The following CLIP1 variants were observed in gnomAD, a reference collection of about 807,000 sequenced individuals.
CLIP1 encodes the protein CAP-Gly domain-containing linker protein 1.
CLIP1 carries 66 observed loss-of-function variants against 161.6 expected under a neutral mutation model. That is an observed-to-expected ratio of 0.41 (90% CI 0.33 to 0.50). CLIP1 has a LOEUF of 0.50. Among genes scored for constraint, CLIP1 ranks in the 20% least tolerant of loss-of-function variants. The pLI, the probability that CLIP1 is intolerant of heterozygous loss-of-function variation, is 0.27. For synonymous variants in CLIP1, 598 were observed against 626.2 expected (o/e 0.96, Z 0.67); for missense variants, 1,376 against 1,702.0 (o/e 0.81, Z 3.37).
chr12:122,284,746 T>C (rs574554618), intron 21 of CLIP1, among the ~76,000 whole-genome samples: 1 of 152,278 alleles, frequency 6.6e-6, no homozygotes, highest in Admixed American at 6.5e-5. Flanking sequence ...AAGGACTTCA[T>C]CATTAAGTAC....
chr12:122,358,762 AG>A (rs1182190613), intron 5 of CLIP1, among the ~76,000 whole-genome samples: 6 of 149,968 alleles, frequency 4.0e-5, no homozygotes, highest in African/African-American at 1.5e-4. Flanking sequence ...AAAAAAAAAA[AG>A]AATGAATTGG....
intron 15 of CLIP1, among the ~76,000 whole-genome samples, chr12:122,331,254 C>G (rs935365151): frequency 6.6e-6 from 1 of 152,042 alleles, no homozygotes; most frequent in African/African-American, 2.4e-5. Context: ...CTCAGGTGAT[C>G]CGCCTACCTC....
chr12:122,407,243 A>G (rs1956357818), intron 1 of CLIP1, among the ~76,000 whole-genome samples: 1 of 152,230 alleles, frequency 6.6e-6, no homozygotes, highest in Admixed American at 6.5e-5. Context: ...CATTTTACCA[A>G]CAAGAAAACT....
At chr12:122,302,851 C>A (rs1276706643) in intron 20 of CLIP1, among the ~76,000 whole-genome samples, 16 of 152,164 alleles carry the variant, frequency 1.1e-4, no homozygotes. Context: ...CCCACCTCGG[C>A]CTCACACAGT....
intron 15 of CLIP1, among the ~76,000 whole-genome samples, chr12:122,331,985 A>C (rs1364758519): frequency 3.3e-5 from 5 of 150,264 alleles, no homozygotes; most frequent in Admixed American, 6.7e-5. Context: ...ACAGAATGAG[A>C]CTCTATCTCA....
chr12:122,393,604 G>T (rs1191295343), intron 1 of CLIP1, among the ~76,000 whole-genome samples: 1 of 152,072 alleles, frequency 6.6e-6, no homozygotes, highest in Non-Finnish European at 1.5e-5. Context: ...TAGTCTCTAA[G>T]AAAGTGTTTT....
chr12:122,390,253 C>CACACATAT (rs1413340092), intron 1 of CLIP1, among the ~76,000 whole-genome samples: 2 of 92,744 alleles, frequency 2.2e-5, no homozygotes, highest in African/African-American at 4.1e-5. Context: ...TATATATACA[C>CACACATAT]ATATATACAC....
intron 15 of CLIP1, among the ~76,000 whole-genome samples, chr12:122,332,157 T>C (rs1952002389): frequency 6.6e-6 from 1 of 151,928 alleles, no homozygotes; most frequent in African/African-American, 2.4e-5. Context: ...TAGCCAGGCA[T>C]GGTGGTGCAA....
At chr12:122,344,727 GA>G (rs1209343714) in intron 10 of CLIP1, among the ~76,000 whole-genome samples, 1 of 152,180 alleles carries the variant, frequency 6.6e-6, no homozygotes, top group African/African-American at 2.4e-5. Flanking sequence ...AATTAAGTCA[GA>G]AATTATTTCT....
chr12:122,349,136 TAAGAA>T (rs934834727), intron 9 of CLIP1, among the ~76,000 whole-genome samples: 5 of 152,200 alleles, frequency 3.3e-5, no homozygotes, highest in East Asian at 1.9e-4. Context: ...CCTGCTTTTA[TAAGAA>T]AAGAATCTAA....
chr12:122,356,382 T>G lies in CLIP1; in HGVS notation c.1006-1070A>C, dbSNP rs150077152. ...TTGAGGCAATTCAGTCTCATTAGAT[T>G]GTCCTACAGTCCTTTCAATAACATC... On this transcript the variant is annotated intron_variant, in intron 5 of 25. Coordinates refer to ENST00000620786, the MANE Select transcript of CLIP1 (RefSeq NM_001247997.2). Among the ~76,000 whole-genome samples the G allele has an allele frequency of 8.0e-4, 122 of 152,332 alleles. 2 individuals carry two copies. The highest frequency in any genetic ancestry group is 2.8e-3 in the African/African-American group (116 of 41,572).
intron 1 of CLIP1, among the ~76,000 whole-genome samples, chr12:122,414,553 C>T (rs1004767816): frequency 2.0e-5 from 3 of 151,558 alleles, no homozygotes; most frequent in Non-Finnish European, 4.4e-5. Flanking sequence ...CAACCTCCAC[C>T]TCAAAGGTTC....
intron 5 of CLIP1, among the ~76,000 whole-genome samples, chr12:122,358,789 C>CA (rs1953634093): frequency 6.6e-6 from 1 of 151,126 alleles, no homozygotes; most frequent in African/African-American, 2.4e-5. Context: ...TGTGGTGGCT[C>CA]ACGCCTCATG....
At chr12:122,294,099 C>T (rs559184808) in intron 20 of CLIP1, among the ~76,000 whole-genome samples, 8 of 151,628 alleles carry the variant, frequency 5.3e-5, no homozygotes, top group South Asian at 2.1e-4. Flanking sequence ...GAGGCCGAGG[C>T]GGGCGGATCA....
chr12:122,373,449 T>A, intron 3 of CLIP1, among the ~76,000 whole-genome samples: 1 of 143,056 alleles, frequency 7.0e-6, no homozygotes, highest in South Asian at 2.2e-4. Context: ...AAAAAGTTAA[T>A]ATGGTAAATG....
At chr12:122,393,183 A>G (rs1191465654) in intron 1 of CLIP1, among the ~76,000 whole-genome samples, 1 of 115,614 alleles carries the variant, frequency 8.6e-6, no homozygotes, top group South Asian at 2.7e-4. Flanking sequence ...TTTTTTTTTT[A>G]GATGGAGTCT....
At chr12:122,421,141 G>A (rs1254900530) in intron 1 of CLIP1, among the ~76,000 whole-genome samples, 1 of 150,598 alleles carries the variant, frequency 6.6e-6, no homozygotes, top group African/African-American at 2.4e-5. Flanking sequence ...CCCTCCTGCC[G>A]AATGCACATG....
chr12:122,275,625 TACACACACACACACACGCGCACACAC>T (rs1195898405), intron 24 of CLIP1: 2 of 114,894 alleles, frequency 1.7e-5, no homozygotes, highest in Non-Finnish European at 3.8e-5. Context: ...AAGAAAAAAA[TACACACACACACACACGCGCACACAC>T]ACACACACAC....
chr12:122,297,946 G>A, intron 20 of CLIP1, among the ~76,000 whole-genome samples: 1 of 152,130 alleles, frequency 6.6e-6, no homozygotes, highest in South Asian at 2.1e-4. Flanking sequence ...CACATCCAGT[G>A]ACTGATCCAT....
Sources: allele counts gnomAD v4.1 joint callset (sites outside exome capture counted in the v4.1 genomes callset), GRCh38; gene constraint gnomAD v4.1.1; transcripts MANE v1.5; gene names NCBI Gene and HGNC (gene_info 2026-07-23, HGNC 2026-07-21).